ESR1: variants seen among roughly 807,000 people sequenced by gnomAD.
ESR1 encodes estrogen receptor.
A neutral mutation model predicts 52.7 loss-of-function variants in ESR1; 12 were observed. The ratio of observed to expected loss-of-function variants is 0.23; its 90% CI spans 0.15 to 0.37. The LOEUF (loss-of-function observed/expected upper bound fraction) is 0.37. Ranked by LOEUF, ESR1 falls within the 10% of genes least tolerant of loss-of-function variation. The probability of loss-of-function intolerance (pLI) is 1.00; values close to 1 mark genes in which losing one functional copy is unlikely to be tolerated. For synonymous variants in ESR1, 305 were observed against 316.8 expected (o/e 0.96, Z 0.39); for missense variants, 584 against 779.7 (o/e 0.75, Z 2.99).
intron 5 of ESR1, among the ~76,000 whole-genome samples, chr6:152,014,534 C>G (rs935613571): frequency 6.6e-6 from 1 of 152,124 alleles, no homozygotes; most frequent in Non-Finnish European, 1.5e-5. Context: ...TATTCCTTTT[C>G]TTTTCTGTCT....
intron 1 of ESR1, among the ~76,000 whole-genome samples, chr6:151,842,172 A>G (rs984391708): frequency 1.3e-5 from 2 of 152,196 alleles, no homozygotes; most frequent in East Asian, 1.9e-4. Flanking sequence ...GTTGTCCATC[A>G]GTTCATCTGA....
chr6:151,701,578 C>T (rs538813976), intron 1 of ESR1, among the ~76,000 whole-genome samples: 1 of 151,352 alleles, frequency 6.6e-6, no homozygotes, highest in East Asian at 1.9e-4. Context: ...GAAGTCATCC[C>T]GTGGGCCTGA....
chr6:151,842,918 A>G (rs1296238752), intron 2 of ESR1, 131 bp downstream of exon 2: 1 of 740,384 alleles, frequency 1.4e-6, no homozygotes, highest in Non-Finnish European at 2.3e-6. Flanking sequence ...GTCCACTAGT[A>G]TCTTTGGTAG....
chr6:151,724,471 A>C (rs540556979), intron 2 of ESR1, among the ~76,000 whole-genome samples: 1 of 152,098 alleles, frequency 6.6e-6, no homozygotes, highest in Non-Finnish European at 1.5e-5. Flanking sequence ...TCCCCACCCG[A>C]TTACCCTAGA....
At chr6:151,993,344 G>T (rs1446232213) in intron 4 of ESR1, among the ~76,000 whole-genome samples, 1 of 152,156 alleles carries the variant, frequency 6.6e-6, no homozygotes, top group African/African-American at 2.4e-5. Flanking sequence ...AGCCAGCAAG[G>T]TGTGGAGCTA....
intron 2 of ESR1, among the ~76,000 whole-genome samples, chr6:151,716,536 G>A (rs1196290018): frequency 1.3e-5 from 2 of 152,210 alleles, no homozygotes; most frequent in Non-Finnish European, 2.9e-5. Flanking sequence ...TTCCCAGAGA[G>A]CAGGAATCTA....
chr6:151,670,792 G>T (rs1444452938), intron 1 of ESR1, among the ~76,000 whole-genome samples: 1 of 136,066 alleles, frequency 7.3e-6, no homozygotes, highest in African/African-American at 2.9e-5. Flanking sequence ...TTTTGAGACG[G>T]AGTTTCACTC....
At chr6:152,050,297 A>C (rs1477409057) in intron 5 of ESR1, among the ~76,000 whole-genome samples, 1 of 152,212 alleles carries the variant, frequency 6.6e-6, no homozygotes, top group African/African-American at 2.4e-5. Flanking sequence ...GGAAGATAGC[A>C]CTGGCTTTCA....
At chr6:152,091,725 C>CACG in intron 6 of ESR1, among the ~76,000 whole-genome samples, 1 of 152,160 alleles carries the variant, frequency 6.6e-6, no homozygotes, top group South Asian at 2.1e-4. Flanking sequence ...GAGGTCCCAG[C>CACG]ACGGTGTGCC....
chr6:151,982,844 A>G (rs2040126868), intron 4 of ESR1, among the ~76,000 whole-genome samples: 2 of 152,106 alleles, frequency 1.3e-5, no homozygotes. Flanking sequence ...CCATCTTTGA[A>G]TTTCAATTTG....
intron 1 of ESR1, among the ~76,000 whole-genome samples, chr6:151,826,332 T>C (rs1781495272): frequency 6.6e-6 from 1 of 152,214 alleles, no homozygotes; most frequent in African/African-American, 2.4e-5. Flanking sequence ...AATTTGAGCC[T>C]TATATTCAGA....
chr6:152,084,477 C>T (rs2982899), intron 6 of ESR1, among the ~76,000 whole-genome samples: 11,779 of 151,716 alleles, frequency 0.078, 503 homozygotes, highest in Middle Eastern at 0.13. Flanking sequence ...CCTCCCACCA[C>T]GATTCTAAGG....
chr6:152,081,016 T>A (rs1467065664), intron 6 of ESR1, among the ~76,000 whole-genome samples: 1 of 152,016 alleles, frequency 6.6e-6, no homozygotes. Flanking sequence ...TCCCACACAA[T>A]AATAATGGGA....
At chr6:152,064,384 T>C (rs531613226) in intron 6 of ESR1, among the ~76,000 whole-genome samples, 4 of 152,358 alleles carry the variant, frequency 2.6e-5, no homozygotes, top group East Asian at 3.9e-4. Context: ...TTTTCCTGCA[T>C]ATCATTCAAT....
intron 4 of ESR1, among the ~76,000 whole-genome samples, chr6:151,996,496 A>G (rs2041497986): frequency 6.6e-6 from 1 of 151,134 alleles, no homozygotes; most frequent in African/African-American, 2.4e-5. Flanking sequence ...GCCTTCGTGG[A>G]CTCCCCACTG....
chr6:151,882,782 A>G (rs532827260), intron 3 of ESR1, among the ~76,000 whole-genome samples: 158 of 151,928 alleles, frequency 1.0e-3, no homozygotes, highest in African/African-American at 3.6e-3. Flanking sequence ...TGTAATTAAT[A>G]TCCAGATACG....
At chr6:151,756,700 A>C (rs1357773357) in intron 2 of ESR1, among the ~76,000 whole-genome samples, 1 of 152,238 alleles carries the variant, frequency 6.6e-6, no homozygotes, top group East Asian at 1.9e-4. Context: ...GTGAAAATAA[A>C]TTAAATGGGC....
chr6:151,673,323 A>G (rs1373852019), intron 1 of ESR1, among the ~76,000 whole-genome samples: 1 of 152,180 alleles, frequency 6.6e-6, no homozygotes, highest in Non-Finnish European at 1.5e-5. Flanking sequence ...TTTTTGCCTT[A>G]TATATTTGGC....
chr6:151,971,310 T>C (rs1444278914), intron 4 of ESR1, among the ~76,000 whole-genome samples: 5 of 152,180 alleles, frequency 3.3e-5, no homozygotes, highest in Admixed American at 3.3e-4. Flanking sequence ...GTGTACACTG[T>C]ATCTAGTTTG....
Sources: gnomAD v4.1 joint callset for allele counts (sites outside exome capture counted in the v4.1 genomes callset) on GRCh38, gnomAD v4.1.1 for gene constraint, MANE v1.5 for transcripts, NCBI Gene and HGNC (gene_info 2026-07-23, HGNC 2026-07-21) for gene names.